ALK: variants seen among roughly 807,000 people sequenced by gnomAD.
The protein encoded by ALK is ALK receptor tyrosine kinase, also known as ALK tyrosine kinase receptor.
ALK carries 74 observed loss-of-function variants against 163.1 expected under a neutral mutation model. The ratio of observed to expected loss-of-function variants is 0.45; its 90% CI spans 0.38 to 0.55. ALK has a LOEUF of 0.55. Among genes scored for constraint, ALK ranks in the 20% least tolerant of loss-of-function variants. The pLI is 0.00. For missense variants in ALK, 2,063 were observed against 2,105.3 expected (o/e 0.98, Z 0.39); for synonymous variants, 960 against 843.2 (o/e 1.14, Z -2.40).
At chr2:29,704,810 C>G (rs1678847685) in intron 2 of ALK, among the ~76,000 whole-genome samples, 1 of 152,146 alleles carries the variant, frequency 6.6e-6, no homozygotes, top group Non-Finnish European at 1.5e-5. Flanking sequence ...GGAAAGTTCA[C>G]TAGAGAATTC....
chr2:29,493,639 C>T (rs1224392994), intron 4 of ALK, among the ~76,000 whole-genome samples: 1 of 152,192 alleles, frequency 6.6e-6, no homozygotes, highest in African/African-American at 2.4e-5. Context: ...GTCTCAGTTT[C>T]CTCATCTGTA....
chr2:29,220,899 G>C (rs2148166901), intron 22 of ALK, 64 bp from the exon 23 acceptor site: 4 of 1,604,688 alleles, frequency 2.5e-6, no homozygotes, highest in Non-Finnish European at 3.4e-6. Context: ...TCTTAAACTG[G>C]GAGGAACAGG....
chr2:29,239,890 C>T (rs1664480010), intron 12 of ALK, 60 bp from the exon 13 acceptor site: 1 of 1,574,858 alleles, frequency 6.3e-7, no homozygotes, highest in Non-Finnish European at 8.6e-7. Flanking sequence ...CCCCTTCCTG[C>T]CAACCCAGCA....
At chr2:29,513,251 C>T (rs1420884563) in intron 4 of ALK, among the ~76,000 whole-genome samples, 1 of 136,384 alleles carries the variant, frequency 7.3e-6, no homozygotes, top group Non-Finnish European at 1.6e-5. Flanking sequence ...TTCAACTATA[C>T]TACAAGGCTA....
At chr2:29,320,998 C>T in intron 6 of ALK, 116 bp from the exon 7 acceptor site, 2 of 1,301,750 alleles carry the variant, frequency 1.5e-6, no homozygotes. Flanking sequence ...AATATAGCTC[C>T]CCAGCCAGAA....
chr2:29,639,863 G>A (rs1375959277), intron 3 of ALK, among the ~76,000 whole-genome samples: 3 of 152,204 alleles, frequency 2.0e-5, no homozygotes, highest in Non-Finnish European at 4.4e-5. Context: ...AACATCCTAT[G>A]AAAGTTCAGG....
intron 3 of ALK, among the ~76,000 whole-genome samples, chr2:29,631,443 A>G (rs1349471162): frequency 6.6e-6 from 1 of 152,206 alleles, no homozygotes; most frequent in Non-Finnish European, 1.5e-5. Flanking sequence ...GAGCATGGAA[A>G]TGGGCTTTAA....
intron 24 of ALK, among the ~76,000 whole-genome samples, chr2:29,211,556 A>T (rs2148156984): frequency 6.6e-6 from 1 of 152,358 alleles, no homozygotes; most frequent in East Asian, 1.9e-4. Context: ...TTTTAAAAAA[A>T]TGGAAGCATG....
chr2:29,380,336 C>T (rs1668865370), intron 5 of ALK, among the ~76,000 whole-genome samples: 2 of 151,822 alleles, frequency 1.3e-5, no homozygotes, highest in Non-Finnish European at 2.9e-5. Context: ...GATCTCTTGA[C>T]CTCGTGATCC....
chr2:29,893,679 A>C (rs568224972), intron 1 of ALK, among the ~76,000 whole-genome samples: 3 of 152,310 alleles, frequency 2.0e-5, no homozygotes, highest in East Asian at 3.9e-4. Context: ...AGACTGCAGC[A>C]CAGGCTTCCA....
chr2:29,250,554 G>A (rs1664790577), intron 12 of ALK, among the ~76,000 whole-genome samples: 1 of 152,144 alleles, frequency 6.6e-6, no homozygotes, highest in Non-Finnish European at 1.5e-5. Context: ...TTCATTCAAT[G>A]CCATGGCCTC....
At chr2:29,911,138 G>GA (rs779621453) in intron 1 of ALK, among the ~76,000 whole-genome samples, 8 of 152,200 alleles carry the variant, frequency 5.3e-5, no homozygotes, top group East Asian at 1.9e-4. Context: ...CAGGCACCCA[G>GA]AAAATCTGTG....
intron 9 of ALK, among the ~76,000 whole-genome samples, chr2:29,276,260 G>T (rs1275569348): frequency 6.6e-6 from 1 of 152,156 alleles, no homozygotes; most frequent in Non-Finnish European, 1.5e-5. Context: ...CAACACAGGG[G>T]TCATAAAAGT....
chr2:29,748,283 G>A (rs1284776629), intron 1 of ALK, among the ~76,000 whole-genome samples: 1 of 152,150 alleles, frequency 6.6e-6, no homozygotes, highest in Admixed American at 6.5e-5. Flanking sequence ...ACTTTTTTAA[G>A]AGCCCTTGGT....
At chr2:29,289,073 ACT>A (rs1435277124) in intron 9 of ALK, among the ~76,000 whole-genome samples, 2 of 152,104 alleles carry the variant, frequency 1.3e-5, no homozygotes, top group African/African-American at 4.8e-5. Context: ...TATTTAAACT[ACT>A]CTGAGTCACA....
rs1444967093 is a variant in ALK, at chr2:29,214,086, G to A, written c.3646-5C>T. 1.2e-6 allele frequency: 2 copies of A among 1,613,520 alleles called. No individual in the cohort carries two copies. The highest frequency in any genetic ancestry group is 1.1e-5 in the South Asian group (1 of 91,040). Reference sequence around the variant, plus strand: ...GGCCAGGGAGGAGGGCTGGCTCTGTGGGGAGACAGAAGCGGGCCACTGACG... The same window carrying A: ...GGCCAGGGAGGAGGGCTGGCTCTGTAGGGAGACAGAAGCGGGCCACTGACG... On this transcript the variant is annotated splice_polypyrimidine_tract_variant and splice_region_variant and intron_variant, in intron 23 of 28. Transcript: ENST00000389048.
chr2:29,270,807 T>A lies in ALK; in HGVS notation c.2041+4292A>T, dbSNP rs1398537465. On this transcript the variant is annotated intron_variant, in intron 11 of 28. Coordinates refer to ENST00000389048, the MANE Select transcript of ALK (RefSeq NM_004304.5). ...GTTAATGATGCCATTAACACAAGAG[T>A]CTATCTGAGTTCCCTCCAGAGGGAA... Among the ~76,000 whole-genome samples, 3 of 151,712 alleles carry A rather than the reference T, an allele frequency of 2.0e-5. No individual in the cohort carries two copies. In the East Asian group the frequency reaches 5.8e-4, roughly 29 times the overall value.
intron 3 of ALK, among the ~76,000 whole-genome samples, chr2:29,566,898 C>T (rs1674207339): frequency 1.3e-5 from 2 of 151,594 alleles, no homozygotes; most frequent in East Asian, 3.9e-4. Flanking sequence ...ATATATAAAC[C>T]ATGTATGTAA....
intron 5 of ALK, among the ~76,000 whole-genome samples, chr2:29,363,961 T>C (rs1042855320): frequency 1.2e-4 from 19 of 152,054 alleles, no homozygotes; most frequent in Non-Finnish European, 1.9e-4. Context: ...CATTTGGGAG[T>C]GAGATCACAA....
Sources: allele counts gnomAD v4.1 joint callset (sites outside exome capture counted in the v4.1 genomes callset), GRCh38; gene constraint gnomAD v4.1.1; transcripts MANE v1.5; gene names NCBI Gene and HGNC (gene_info 2026-07-23, HGNC 2026-07-21).